The following RECK variants were observed in gnomAD, a reference collection of about 807,000 sequenced individuals.
The protein encoded by RECK is reversion-inducing cysteine-rich protein with Kazal motifs.
Under a neutral mutation model 115.1 loss-of-function variants are expected in RECK, and 69 were observed. That is an observed-to-expected ratio of 0.60 (90% CI 0.49 to 0.73). The LOEUF is 0.73. RECK is among the 30% of genes least tolerant of loss of function. RECK has a pLI of 0.00. For synonymous variants in RECK, 414 were observed against 419.7 expected (o/e 0.99, Z 0.17); for missense variants, 1,047 against 1,203.7 (o/e 0.87, Z 1.93).
At chr9:36,058,494 G>T (rs1588279379) in intron 2 of RECK, among the ~76,000 whole-genome samples, 1 of 112,618 alleles carries the variant, frequency 8.9e-6, no homozygotes, top group African/African-American at 3.4e-5. Context: ...ACACTCTGGG[G>T]ACTGTTGTGG....
intron 10 of RECK, among the ~76,000 whole-genome samples, chr9:36,091,821 G>A (rs1229961647): frequency 6.6e-6 from 1 of 152,070 alleles, no homozygotes; most frequent in African/African-American, 2.4e-5. Flanking sequence ...AAATAAGGAG[G>A]CAAGAACTGA....
chr9:36,054,127 A>G (rs920912530), intron 2 of RECK, among the ~76,000 whole-genome samples: 18 of 152,206 alleles, frequency 1.2e-4, no homozygotes, highest in African/African-American at 4.3e-4. Flanking sequence ...CGTAGAGCTC[A>G]CTTCAAAGAG....
intron 8 of RECK, chr9:36,085,933 A>G (rs549106422): frequency 1.1e-4 from 17 of 152,076 alleles, no homozygotes; most frequent in Non-Finnish European, 2.1e-4. Flanking sequence ...TTTAGTCTAT[A>G]CGAGATACTG....
At chr9:36,045,120 A>G in intron 1 of RECK, among the ~76,000 whole-genome samples, 1 of 152,210 alleles carries the variant, frequency 6.6e-6, no homozygotes, top group East Asian at 1.9e-4. Flanking sequence ...ACAGATAGAT[A>G]TGGCAGTATG....
At chr9:36,066,161 G>GTA (rs1227122333) in intron 6 of RECK, among the ~76,000 whole-genome samples, 1 of 152,116 alleles carries the variant, frequency 6.6e-6, no homozygotes, top group African/African-American at 2.4e-5. Context: ...TCTAACACTG[G>GTA]TATCTAGATG....
At chr9:36,066,746 C>T in intron 6 of RECK, 2 of 1,238,668 alleles carry the variant, frequency 1.6e-6, no homozygotes, top group South Asian at 2.6e-5. Context: ...TACATGATGT[C>T]TGACACTGTC....
intron 6 of RECK, among the ~76,000 whole-genome samples, chr9:36,079,966 A>T (rs1218957751): frequency 1.3e-5 from 2 of 152,132 alleles, no homozygotes; most frequent in African/African-American, 2.4e-5. Flanking sequence ...TTTTTCTATT[A>T]CCTGGGGCGG....
chr9:36,113,345 A>C lies in RECK; in HGVS notation c.2060+869A>C, dbSNP rs149374937. 3.7e-3 allele frequency among the ~76,000 whole-genome samples: 560 copies of C among 152,340 alleles called. 3 individuals carry two copies. Among genetic ancestry groups the C allele is most frequent in the Middle Eastern group, 0.014 (4 of 294 alleles). On this transcript the variant is annotated intron_variant, in intron 16 of 20. Coordinates refer to ENST00000377966, the MANE Select transcript of RECK (RefSeq NM_021111.3). The stretch of plus-strand genomic sequence containing the variant: ...TATGGAGGGAGGGGGAGACTCTCTC[A>C]TGTGTTAAAATAAATGGCAAAGAAT...
At chr9:36,048,665 T>C (rs560638388) in intron 1 of RECK, among the ~76,000 whole-genome samples, 14 of 152,328 alleles carry the variant, frequency 9.2e-5, no homozygotes, top group African/African-American at 3.1e-4. Context: ...TTTGTCCTAC[T>C]ACCAGGTGGT....
chr9:36,060,692 T>C lies in RECK; in HGVS notation c.271+537T>C, dbSNP rs557651245. On this transcript the variant is annotated intron_variant, in intron 4 of 20. Transcript: ENST00000377966. ...GATGGAGCCGTAAGGACTATGGTTA[T>C]TTCTGTGTGTGGTCTTCTTCCCTTC... 2.0e-5 allele frequency among the ~76,000 whole-genome samples: 3 copies of C among 152,270 alleles called. No homozygotes were observed. The East Asian group carries it at 5.8e-4, about 29-fold the overall frequency.
chr9:36,051,432 C>T (rs1026289538), intron 1 of RECK, among the ~76,000 whole-genome samples: 1 of 152,214 alleles, frequency 6.6e-6, no homozygotes, highest in Admixed American at 6.5e-5. Flanking sequence ...TACTTACTCA[C>T]CTGTGGTTTA....
intron 6 of RECK, among the ~76,000 whole-genome samples, chr9:36,071,054 C>A (rs1384767937): frequency 6.6e-6 from 1 of 152,044 alleles, no homozygotes; most frequent in Non-Finnish European, 1.5e-5. Flanking sequence ...GCTGTAGTTA[C>A]ATAGGCACCA....
chr9:36,100,243 T>G, intron 10 of RECK, 88 bp from the exon 11 acceptor site: 1 of 1,031,622 alleles, frequency 9.7e-7, no homozygotes, highest in Admixed American at 2.4e-5. Flanking sequence ...CAGATTTTTC[T>G]GATGCATTAG....
In RECK at chr9:36,091,195, T is replaced by C. The variant is rs1246208394; in HGVS notation, c.937T>C (p.Trp313Arg). Residue 313 changes from tryptophan to arginine, a missense_variant, in exon 10 of 21, where the codon TGG (tryptophan) becomes CGG (arginine). Coordinates refer to ENST00000377966, the MANE Select transcript of RECK (RefSeq NM_021111.3). ...CTGCACTAAACTTTACAGCATGAGC[T>C]GGGGCAATACACAGAGTTGGCAAGA... ...ELCTKLYSMS[W>R]GNTQSWQEFD... The C allele has an allele frequency of 3.7e-6, 6 of 1,614,100 alleles. No individual in the cohort carries two copies. The highest frequency in any genetic ancestry group is 5.1e-6 in the Non-Finnish European group (6 of 1,179,964).
chr9:36,043,032 T>G (rs1221887323), intron 1 of RECK, among the ~76,000 whole-genome samples: 2,339 of 124,194 alleles, frequency 0.019, 191 homozygotes, highest in African/African-American at 0.07. Flanking sequence ...TTTTTTTTTT[T>G]TTTTTTTTGT....
chr9:36,067,385 G>T (rs187115772), intron 6 of RECK, among the ~76,000 whole-genome samples: 5 of 152,284 alleles, frequency 3.3e-5, no homozygotes, highest in African/African-American at 1.2e-4. Flanking sequence ...ACCCTGGAGA[G>T]TAGTTTTATG....
chr9:36,062,639 A>ACCTGTATGCAT (rs2132585709), intron 4 of RECK, among the ~76,000 whole-genome samples: 1 of 151,478 alleles, frequency 6.6e-6, no homozygotes, highest in Non-Finnish European at 1.5e-5. Context: ...CACCATGCCC[A>ACCTGTATGCAT]GCTAATTTTT....
At chr9:36,057,577 G>C (rs1019198473) in intron 2 of RECK, among the ~76,000 whole-genome samples, 11 of 152,224 alleles carry the variant, frequency 7.2e-5, no homozygotes, top group African/African-American at 2.7e-4. Context: ...CAGCACTTTG[G>C]GAGGCTGAGG....
intron 6 of RECK, among the ~76,000 whole-genome samples, chr9:36,066,291 C>T (rs1052457996): frequency 1.3e-5 from 2 of 152,088 alleles, no homozygotes; most frequent in Non-Finnish European, 2.9e-5. Flanking sequence ...TTTTCTAGAA[C>T]TCTGTTCTTA....
Sources: gnomAD v4.1 joint callset for allele counts (sites outside exome capture counted in the v4.1 genomes callset) on GRCh38, gnomAD v4.1.1 for gene constraint, MANE v1.5 for transcripts, NCBI Gene and HGNC (gene_info 2026-07-23, HGNC 2026-07-21) for gene names.